Variants in CYRIB observed in about 807,000 individuals in gnomAD.
The protein encoded by CYRIB is CYFIP related Rac1 interactor B, also known as CYFIP-related Rac1 interactor B.
CYRIB carries 8 observed loss-of-function variants against 44.2 expected under a neutral mutation model. The ratio of observed to expected loss-of-function variants is 0.18; its 90% CI spans 0.11 to 0.33. The LOEUF (loss-of-function observed/expected upper bound fraction) is 0.33, where lower values mean the gene tolerates loss of function less well. Among genes scored for constraint, CYRIB ranks in the 10% least tolerant of loss-of-function variants. The probability of loss-of-function intolerance (pLI) is 1.00; values close to 1 mark genes in which losing one functional copy is unlikely to be tolerated. For synonymous variants in CYRIB, 131 were observed against 127.2 expected (o/e 1.03, Z -0.20); for missense variants, 185 against 382.8 (o/e 0.48, Z 4.31).
At chr8:129,965,797 A>G (rs2095456051) in intron 2 of CYRIB, among the ~76,000 whole-genome samples, 1 of 148,326 alleles carries the variant, frequency 6.7e-6, no homozygotes, top group Admixed American at 6.8e-5. Flanking sequence ...CTCTGTCTCA[A>G]AAAAAAAAAA....
intron 1 of CYRIB, among the ~76,000 whole-genome samples, chr8:129,932,739 T>C (rs1279872147): frequency 6.6e-6 from 1 of 152,126 alleles, no homozygotes; most frequent in Non-Finnish European, 1.5e-5. Flanking sequence ...GAGGATGGGA[T>C]GCTGACATAG....
intron 1 of CYRIB, among the ~76,000 whole-genome samples, chr8:129,910,523 T>G: frequency 7.3e-6 from 1 of 136,928 alleles, no homozygotes. Flanking sequence ...AAGGGCCAGG[T>G]GCAATGGTTC....
At chr8:129,991,971 A>AAAAAAGAGAGAG (rs994697259) in intron 1 of CYRIB, among the ~76,000 whole-genome samples, 3 of 134,604 alleles carry the variant, frequency 2.2e-5, no homozygotes, top group Admixed American at 7.5e-5. Context: ...AAAAAAAAAA[A>AAAAAAGAGAGAG]ACAATAGGAA....
chr8:129,933,112 T>G (rs1040635971), intron 1 of CYRIB, among the ~76,000 whole-genome samples: 1 of 152,140 alleles, frequency 6.6e-6, no homozygotes, highest in African/African-American at 2.4e-5. Flanking sequence ...ATGGTGTAAG[T>G]AATGATGACC....
At chr8:129,957,466 G>T (rs2094918824) in intron 2 of CYRIB, among the ~76,000 whole-genome samples, 1 of 152,202 alleles carries the variant, frequency 6.6e-6, no homozygotes, top group South Asian at 2.1e-4. Flanking sequence ...GCAGACACAA[G>T]AACTCAAAAA....
At chr8:129,883,248 T>C (rs2061468377) in intron 2 of CYRIB, among the ~76,000 whole-genome samples, 2 of 147,642 alleles carry the variant, frequency 1.4e-5, no homozygotes, top group African/African-American at 5.0e-5. Flanking sequence ...TTGTAGGAAA[T>C]ACACCAACAT....
chr8:129,912,027 T>G (rs1220870217), intron 1 of CYRIB, among the ~76,000 whole-genome samples: 1 of 152,202 alleles, frequency 6.6e-6, no homozygotes, highest in Non-Finnish European at 1.5e-5. Context: ...ATTTTGCAGC[T>G]CTATAAGCTC....
intron 2 of CYRIB, among the ~76,000 whole-genome samples, chr8:129,968,887 A>G (rs2095585067): frequency 1.3e-5 from 2 of 152,094 alleles, no homozygotes; most frequent in Admixed American, 1.3e-4. Context: ...CCTTGAGTCC[A>G]GGCCTCCTTC....
upstream of CYRIB, chr8:130,016,941 C>T (rs2097359375): frequency 6.6e-6 from 1 of 152,274 alleles, no homozygotes; most frequent in Non-Finnish European, 1.5e-5. Flanking sequence ...GCCTGTCAGG[C>T]AGGGCTTGGG....
intron 2 of CYRIB, among the ~76,000 whole-genome samples, chr8:129,884,806 C>T (rs1386307512): frequency 6.6e-6 from 1 of 152,086 alleles, no homozygotes; most frequent in Non-Finnish European, 1.5e-5. Context: ...AGATTTAATA[C>T]ACAGAAACCA....
chr8:130,006,607 C>CACACATATATATGTATATATATAT (rs1359122569), intron 1 of CYRIB, among the ~76,000 whole-genome samples: 560 of 7,118 alleles, frequency 0.079, 86 homozygotes, highest in South Asian at 0.22. Flanking sequence ...TATATATATA[C>CACACATATATATGTATATATATAT]ATATATATGT....
rs115420340 is a variant in CYRIB, at chr8:129,999,460, C to T, written c.-296+16910G>A. 7.0e-3 allele frequency among the ~76,000 whole-genome samples: 1,071 copies of T among 152,356 alleles called. 17 individuals carry two copies. Among genetic ancestry groups the T allele is most frequent in the African/African-American group, 0.024 (1,014 of 41,574 alleles). On this transcript the variant is annotated intron_variant, in intron 1 of 14. Transcript: ENST00000401979. Reference sequence around the variant, plus strand: ...AGGCAAGGCCCACGTGCGCCACGCACCCAAGGACCAGATGCAATTGACACC... The same window carrying T: ...AGGCAAGGCCCACGTGCGCCACGCATCCAAGGACCAGATGCAATTGACACC...
At chr8:129,881,433 A>C (rs901225321) in intron 2 of CYRIB, among the ~76,000 whole-genome samples, 2 of 152,148 alleles carry the variant, frequency 1.3e-5, no homozygotes, top group Admixed American at 1.3e-4. Flanking sequence ...ACAACTTGCC[A>C]CTCACTCTCA....
At chr8:129,854,513 T>C (rs113569820) in intron 6 of CYRIB, among the ~76,000 whole-genome samples, 170 bp from the exon 9 acceptor site, 4 of 152,360 alleles carry the variant, frequency 2.6e-5, no homozygotes, top group African/African-American at 9.6e-5. Context: ...TATTTAGTCC[T>C]TACTGAACAT....
chr8:129,878,381 A>G (rs2059843701), intron 3 of CYRIB, among the ~76,000 whole-genome samples: 1 of 152,240 alleles, frequency 6.6e-6, no homozygotes, highest in Non-Finnish European at 1.5e-5. Context: ...AAAATTGTAA[A>G]AACTAAATTG....
intron 2 of CYRIB, among the ~76,000 whole-genome samples, chr8:129,894,747 A>G (rs2067087231): frequency 6.6e-6 from 1 of 151,526 alleles, no homozygotes; most frequent in Non-Finnish European, 1.5e-5. Flanking sequence ...TTCTTATTTT[A>G]TTTTTGCTAC....
intron 2 of CYRIB, among the ~76,000 whole-genome samples, chr8:129,880,075 C>A (rs1360987539): frequency 1.3e-5 from 2 of 152,086 alleles, no homozygotes; most frequent in Non-Finnish European, 2.9e-5. Flanking sequence ...GGATTATAAG[C>A]GAATATTGTT....
intron 5 of CYRIB, among the ~76,000 whole-genome samples, chr8:129,859,274 T>C (rs1397347982): frequency 2.6e-5 from 4 of 152,162 alleles, no homozygotes; most frequent in African/African-American, 9.7e-5. Flanking sequence ...TTTTAGTACT[T>C]TCACTAATTT....
chr8:129,848,037 C>T (rs1259472372), intron 10 of CYRIB, among the ~76,000 whole-genome samples: 1 of 152,076 alleles, frequency 6.6e-6, no homozygotes, highest in Non-Finnish European at 1.5e-5. Flanking sequence ...AACTCCTAAC[C>T]TTAGGTGATC....
Sources: allele counts gnomAD v4.1 joint callset (sites outside exome capture counted in the v4.1 genomes callset), GRCh38; gene constraint gnomAD v4.1.1; transcripts MANE v1.5; gene names NCBI Gene and HGNC (gene_info 2026-07-23, HGNC 2026-07-21).